Variants in MAD1L1 observed in about 807,000 individuals in gnomAD.
The protein encoded by MAD1L1 is mitotic arrest deficient 1 like 1.
A neutral mutation model predicts 96.9 loss-of-function variants in MAD1L1; 95 were observed. That is an observed-to-expected ratio of 0.98 (90% CI 0.83 to 1.16). The LOEUF is 1.16. MAD1L1 is among the 50% of genes most tolerant of loss of function. The probability of loss-of-function intolerance (pLI) is 0.00; values close to 1 mark genes in which losing one functional copy is unlikely to be tolerated. For missense variants in MAD1L1, 1,007 were observed against 954.4 expected (o/e 1.06, Z -0.73); for synonymous variants, 473 against 396.6 (o/e 1.19, Z -2.29).
intron 14 of MAD1L1, among the ~76,000 whole-genome samples, chr7:1,988,612 C>T (rs983776901): frequency 3.4e-4 from 51 of 152,196 alleles, no homozygotes; most frequent in African/African-American, 1.2e-3. Flanking sequence ...CAGTCCCTGA[C>T]GGACTCTCTG....
intron 12 of MAD1L1, among the ~76,000 whole-genome samples, chr7:2,043,136 G>A (rs530294510): frequency 6.6e-6 from 1 of 152,182 alleles, no homozygotes; most frequent in Non-Finnish European, 1.5e-5. Flanking sequence ...AGTGTAAGGG[G>A]GGGCCTGAAT....
At chr7:1,902,007 G>C (rs1787276657) in intron 17 of MAD1L1, among the ~76,000 whole-genome samples, 2 of 152,224 alleles carry the variant, frequency 1.3e-5, no homozygotes, top group Admixed American at 1.3e-4. Context: ...CAAGGCCTCG[G>C]TGAGGGGCAA....
At chr7:2,009,725 C>T (rs541748778) in intron 13 of MAD1L1, among the ~76,000 whole-genome samples, 5 of 152,140 alleles carry the variant, frequency 3.3e-5, no homozygotes, top group African/African-American at 4.8e-5. Context: ...AGGGGGTGGA[C>T]GCCCAGGCCC....
intron 17 of MAD1L1, among the ~76,000 whole-genome samples, chr7:1,923,486 G>GGGCAACCCCGCGCTCTTCCGCCCTGGCAC (rs1562527703): frequency 2.7e-5 from 4 of 150,234 alleles, no homozygotes; most frequent in African/African-American, 7.4e-5. Context: ...CGCCCCGGCA[G>GGGCAACCCCGCGCTCTTCCGCCCTGGCAC]CCGGGCAACC....
intron 15 of MAD1L1, among the ~76,000 whole-genome samples, chr7:1,971,825 C>A (rs888373258): frequency 1.3e-5 from 2 of 152,124 alleles, no homozygotes; most frequent in African/African-American, 2.4e-5. Context: ...AGCTTTGACA[C>A]CACAAGCTCC....
At chr7:2,018,427 C>A (rs1782638753) in intron 12 of MAD1L1, among the ~76,000 whole-genome samples, 1 of 152,230 alleles carries the variant, frequency 6.6e-6, no homozygotes, top group Non-Finnish European at 1.5e-5. Flanking sequence ...TCCACTATGA[C>A]TACAGCTGCT....
intron 11 of MAD1L1, among the ~76,000 whole-genome samples, chr7:2,115,756 C>G (rs1450667135): frequency 2.6e-5 from 4 of 152,258 alleles, no homozygotes; most frequent in African/African-American, 9.6e-5. Flanking sequence ...CCTGGCCAAA[C>G]AGAAGGACCT....
intron 11 of MAD1L1, among the ~76,000 whole-genome samples, chr7:2,097,040 C>T (rs982922086): frequency 9.9e-5 from 15 of 152,170 alleles, no homozygotes; most frequent in African/African-American, 3.6e-4. Context: ...TTATGATAAA[C>T]GCACCACGGG....
At chr7:1,923,036 G>A (rs1788887201) in intron 17 of MAD1L1, among the ~76,000 whole-genome samples, 1 of 152,240 alleles carries the variant, frequency 6.6e-6, no homozygotes, top group African/African-American at 2.4e-5. Context: ...CACAGAGTGA[G>A]TTGGGAAGTG....
At chr7:1,986,109 G>C (rs1781127763) in intron 14 of MAD1L1, among the ~76,000 whole-genome samples, 2 of 152,346 alleles carry the variant, frequency 1.3e-5, no homozygotes, top group African/African-American at 4.8e-5. Context: ...CAGGTTCACA[G>C]TGGGGAAGGA....
intron 10 of MAD1L1, among the ~76,000 whole-genome samples, chr7:2,210,868 C>T (rs1217458972): frequency 1.4e-5 from 2 of 145,040 alleles, no homozygotes; most frequent in Admixed American, 6.6e-5. Flanking sequence ...TCAGAGAGGA[C>T]GCTCGCACCA....
intron 15 of MAD1L1, among the ~76,000 whole-genome samples, chr7:1,973,658 G>A (rs766999365): frequency 6.6e-6 from 1 of 152,160 alleles, no homozygotes; most frequent in Non-Finnish European, 1.5e-5. Flanking sequence ...ACGGACAGGA[G>A]GCATGAAGGG....
rs536675600 is a variant in MAD1L1, at chr7:2,047,846, C to CA, written c.1218+21347dup. ...AGAGCTGACTCCACAGACACATGCA[C>CA]AATCACACACGTGCACTCACGTGCA... On this transcript the variant is annotated intron_variant, in intron 12 of 18. Coordinates refer to ENST00000265854, the MANE Select transcript of MAD1L1 (RefSeq NM_001013836.2). 1.9e-4 allele frequency among the ~76,000 whole-genome samples: 29 copies of CA among 152,354 alleles called. No individual in the cohort carries two copies. The East Asian group carries it at 2.3e-3, about 12-fold the overall frequency.
rs865882137 is a variant in MAD1L1 at position 1,869,079 on chromosome 7, G to C, written c.1998+29121C>G. Among the ~76,000 whole-genome samples the C allele has an allele frequency of 2.0e-5, 3 of 152,194 alleles. No homozygotes were observed. The East Asian group carries it at 5.8e-4, about 29-fold the overall frequency. ...CCGACGCAACTGGTCCAGGCCACAC[G>C]TGGACGGTGAGGCCCGGGACGGGAA... On this transcript the variant is annotated intron_variant, in intron 18 of 18. Coordinates refer to ENST00000265854, the MANE Select transcript of MAD1L1 (RefSeq NM_001013836.2).
chr7:2,085,937 G>A (rs1317096394), intron 11 of MAD1L1, among the ~76,000 whole-genome samples: 2 of 152,202 alleles, frequency 1.3e-5, no homozygotes, highest in African/African-American at 2.4e-5. Context: ...GTACGAGGGC[G>A]CCGACTGCCC....
intron 12 of MAD1L1, among the ~76,000 whole-genome samples, chr7:2,028,097 C>G (rs927593397): frequency 1.3e-5 from 2 of 152,090 alleles, no homozygotes; most frequent in African/African-American, 4.8e-5. Flanking sequence ...TATGTCCACC[C>G]AGAAAACATT....
At chr7:2,106,309 T>C (rs1787096292) in intron 11 of MAD1L1, among the ~76,000 whole-genome samples, 1 of 151,844 alleles carries the variant, frequency 6.6e-6, no homozygotes, top group Admixed American at 6.5e-5. Flanking sequence ...GAGACGGCCA[T>C]GGTCACTCAC....
At chr7:1,898,772 G>C (rs532134482) in intron 17 of MAD1L1, among the ~76,000 whole-genome samples, 1 of 152,176 alleles carries the variant, frequency 6.6e-6, no homozygotes, top group South Asian at 2.1e-4. Flanking sequence ...AGGGTCAGGC[G>C]TGACTCGGGG....
At chr7:1,983,222 T>C (rs1013564897) in intron 14 of MAD1L1, among the ~76,000 whole-genome samples, 3 of 151,220 alleles carry the variant, frequency 2.0e-5, no homozygotes, top group Non-Finnish European at 2.9e-5. Flanking sequence ...TTGGTGTCAA[T>C]ACAACACTTC....
Sources: allele counts gnomAD v4.1 joint callset (sites outside exome capture counted in the v4.1 genomes callset), GRCh38; gene constraint gnomAD v4.1.1; transcripts MANE v1.5; gene names NCBI Gene and HGNC (gene_info 2026-07-23, HGNC 2026-07-21).